The following CLDN16 variants were observed in gnomAD, a reference collection of about 807,000 sequenced individuals.
The protein encoded by CLDN16 is claudin 16, also known as claudin-16.
A neutral mutation model predicts 24.6 loss-of-function variants in CLDN16; 13 were observed. The observed-to-expected ratio is 0.53, with a 90% CI of 0.34 to 0.84. The LOEUF (loss-of-function observed/expected upper bound fraction) is 0.84, where lower values mean the gene tolerates loss of function less well. CLDN16 is among the 40% of genes least tolerant of loss of function. CLDN16 has a pLI of 0.01. For missense variants in CLDN16, 298 were observed against 292.7 expected (o/e 1.02, Z -0.13); for synonymous variants, 116 against 106.7 (o/e 1.09, Z -0.54).
chr3:190,338,059 T>C (rs759981339), intron 1 of CLDN16, among the ~76,000 whole-genome samples: 3 of 152,152 alleles, frequency 2.0e-5, no homozygotes, highest in Non-Finnish European at 4.4e-5. Context: ...CATTACATGG[T>C]GCCAGGGTGC....
upstream of CLDN16, among the ~76,000 whole-genome samples, chr3:190,384,871 T>C (rs1477047041): frequency 6.6e-6 from 1 of 152,176 alleles, no homozygotes; most frequent in Non-Finnish European, 1.5e-5. Flanking sequence ...TGAAAATATT[T>C]TGTAAACCTT....
At chr3:190,304,176 A>G in the CLDN16 span, among the ~76,000 whole-genome samples, 47 of 152,294 alleles carry the variant, frequency 3.1e-4, no homozygotes, top group Admixed American at 1.0e-3. Context: ...GGTGATTCTA[A>G]CATGCTGTTA....
At chr3:190,400,399 A>T (rs1217292056) in intron 1 of CLDN16, among the ~76,000 whole-genome samples, 1 of 151,746 alleles carries the variant, frequency 6.6e-6, no homozygotes, top group East Asian at 1.9e-4. Context: ...CGCCTAGCTA[A>T]TTTTTGTATT....
intron 3 of CLDN16, among the ~76,000 whole-genome samples, chr3:190,378,319 C>T (rs1185317230): frequency 6.6e-6 from 1 of 151,808 alleles, no homozygotes; most frequent in African/African-American, 2.4e-5. Context: ...AGATAAGAGA[C>T]AAAAATGAGA....
chr3:190,307,980 A>T, the CLDN16 span: 1 of 304,072 alleles, frequency 3.3e-6, no homozygotes, highest in Non-Finnish European at 6.4e-6. Context: ...GTATATATAC[A>T]TATCTATATA....
upstream of CLDN16, among the ~76,000 whole-genome samples, chr3:190,383,781 T>C (rs1171015310): frequency 6.6e-6 from 1 of 152,102 alleles, no homozygotes; most frequent in Non-Finnish European, 1.5e-5. Flanking sequence ...TATATAGATA[T>C]AGATATACAT....
chr3:190,303,839 A>G, the CLDN16 span, among the ~76,000 whole-genome samples: 2 of 152,320 alleles, frequency 1.3e-5, no homozygotes, highest in East Asian at 1.9e-4. Context: ...AAGAAACATG[A>G]CAAAAGCATC....
rs765474628 is a variant in CLDN16 at position 190,388,202 on chromosome 3, G to T, written c.-128G>T. The T allele has an allele frequency of 6.2e-7, 1 of 1,614,034 alleles. No homozygotes were observed. ...TCAAGACACCTGCAGCAGGGCGTGAGAAAAAGTAAAAGACCAGTATTTTCA... is the reference window on the plus strand; with the variant it reads ...TCAAGACACCTGCAGCAGGGCGTGATAAAAAGTAAAAGACCAGTATTTTCA... On this transcript the variant is annotated 5_prime_UTR_variant, in exon 1 of 5. Coordinates refer to ENST00000264734, the MANE Select transcript of CLDN16 (RefSeq NM_006580.4).
chr3:190,376,407 C>T (rs1718250084), intron 3 of CLDN16, among the ~76,000 whole-genome samples: 1 of 151,644 alleles, frequency 6.6e-6, no homozygotes, highest in Admixed American at 6.6e-5. Context: ...TCTTAGTCTC[C>T]GACCTTCAGG....
At chr3:190,409,721 A>G (rs575498621) in intron 4 of CLDN16, among the ~76,000 whole-genome samples, 182 bp from the exon 5 acceptor site, 6 of 152,302 alleles carry the variant, frequency 3.9e-5, no homozygotes, top group Admixed American at 3.3e-4. Flanking sequence ...TTTTAAACCT[A>G]AAAGAAACTT....
At chr3:190,357,622 C>T (rs1040997386) in intron 1 of CLDN16, among the ~76,000 whole-genome samples, 1 of 151,884 alleles carries the variant, frequency 6.6e-6, no homozygotes, top group Non-Finnish European at 1.5e-5. Flanking sequence ...ATAATTTAAG[C>T]TTACCTTTCT....
chr3:190,402,530 G>C, intron 2 of CLDN16, 91 bp downstream of exon 2: 1 of 982,224 alleles, frequency 1.0e-6, no homozygotes, highest in Non-Finnish European at 1.6e-6. Context: ...GTTTTCTATT[G>C]TACTATATTA....
chr3:190,372,396 T>C (rs1353263575), intron 2 of CLDN16, among the ~76,000 whole-genome samples: 1 of 151,886 alleles, frequency 6.6e-6, no homozygotes, highest in African/African-American at 2.4e-5. Context: ...TTTACCCAGA[T>C]ACTCAAGAGG....
intron 1 of CLDN16, among the ~76,000 whole-genome samples, chr3:190,395,313 CAT>C (rs1560095886): frequency 6.6e-6 from 1 of 152,018 alleles, no homozygotes; most frequent in Non-Finnish European, 1.5e-5. Context: ...CAAATAAAGT[CAT>C]GTTTTTCTTT....
chr3:190,352,156 A>T (rs570673015), intron 1 of CLDN16, among the ~76,000 whole-genome samples: 22 of 149,738 alleles, frequency 1.5e-4, no homozygotes, highest in South Asian at 8.3e-4. Context: ...TTTTTTTTTA[A>T]AAAAAGACAA....
upstream of CLDN16, among the ~76,000 whole-genome samples, chr3:190,385,890 T>C (rs533810071): frequency 6.6e-6 from 1 of 152,340 alleles, no homozygotes; most frequent in East Asian, 1.9e-4. Flanking sequence ...ACAAAACACA[T>C]GTAAAATATG....
intron 1 of CLDN16, among the ~76,000 whole-genome samples, chr3:190,389,095 A>G (rs543258798): frequency 5.3e-5 from 8 of 152,324 alleles, no homozygotes; most frequent in Admixed American, 4.6e-4. Flanking sequence ...AAGATGAGTG[A>G]GTGGGTTCAC....
chr3:190,299,314 G>C, the CLDN16 span, among the ~76,000 whole-genome samples: 1 of 151,722 alleles, frequency 6.6e-6, no homozygotes, highest in Admixed American at 6.6e-5. Context: ...TGATCTATTG[G>C]TTTTTAAAAG....
At chr3:190,390,396 T>C (rs1235601935) in intron 1 of CLDN16, among the ~76,000 whole-genome samples, 1 of 152,084 alleles carries the variant, frequency 6.6e-6, no homozygotes, top group Non-Finnish European at 1.5e-5. Context: ...TAGCTGGGTG[T>C]GGTGGCAGGG....
Sources: allele counts gnomAD v4.1 joint callset (sites outside exome capture counted in the v4.1 genomes callset), GRCh38; gene constraint gnomAD v4.1.1; transcripts MANE v1.5; gene names NCBI Gene and HGNC (gene_info 2026-07-23, HGNC 2026-07-21).